MEGF10: variants seen among roughly 807,000 people sequenced by gnomAD.
MEGF10 encodes the protein multiple epidermal growth factor-like domains protein 10.
Under a neutral mutation model 147.5 loss-of-function variants are expected in MEGF10, and 86 were observed. That is an observed-to-expected ratio of 0.58 (90% CI 0.49 to 0.70). The LOEUF (loss-of-function observed/expected upper bound fraction) is 0.70. Ranked by LOEUF, MEGF10 falls within the 30% of genes least tolerant of loss-of-function variation. The pLI is 0.00. For missense variants in MEGF10, 1,329 were observed against 1,487.3 expected, an observed-to-expected ratio of 0.89 and a Z score of 1.75; for synonymous variants, 478 against 525.5, an observed-to-expected ratio of 0.91 and a Z score of 1.24.
intron 1 of MEGF10, among the ~76,000 whole-genome samples, chr5:127,311,212 T>A (rs1760275277): frequency 6.6e-6 from 1 of 152,202 alleles, no homozygotes; most frequent in Non-Finnish European, 1.5e-5. Context: ...TGTACAAAAA[T>A]CACCATTTAA....
chr5:127,297,358 TAA>T (rs895844156), intron 1 of MEGF10, among the ~76,000 whole-genome samples: 1 of 151,946 alleles, frequency 6.6e-6, no homozygotes, highest in Non-Finnish European at 1.5e-5. Context: ...AAAAACAGAC[TAA>T]AAAAGTACAC....
At chr5:127,416,034 T>C (rs1764757580) in intron 9 of MEGF10, among the ~76,000 whole-genome samples, 1 of 132,518 alleles carries the variant, frequency 7.5e-6, no homozygotes, top group African/African-American at 2.9e-5. Context: ...TTTTTGTTTT[T>C]GGTTTTGTTT....
In MEGF10 at chr5:127,455,466, G is replaced by A. The variant is rs773854472; in HGVS notation, c.3091G>A (p.Ala1031Thr). ...CCTAAGCAGTTCTGAGAACCCATAT[G>A]CCACTATTAAAGACCCACCTGTACT... ...CSLSSSENPY[A>T]TIKDPPVLIP... Residue 1031 changes from alanine to threonine, a missense_variant, in exon 24 of 25, where the codon GCC (alanine) becomes ACC (threonine). This residue lies in a region of MEGF10 where 343 missense variants were observed against 377.9 expected (regional missense o/e 0.91). Coordinates refer to ENST00000503335, the MANE Select transcript of MEGF10 (RefSeq NM_001256545.2). The A allele has an allele frequency of 6.2e-7, 1 of 1,614,074 alleles. No individual in the cohort carries two copies. Among genetic ancestry groups the A allele is most frequent in the Non-Finnish European group, 8.5e-7 (1 of 1,180,002 alleles).
rs533327297 is a variant in MEGF10, at chr5:127,404,407, C to T, written c.917+1725C>T. ...TTGCGGTTTTTACCATTGAAAGTAA[C>T]GGTGAAGACCGCAATTACTTTTACA... is the stretch of plus-strand genomic sequence containing the variant. On this transcript the variant is annotated intron_variant, in intron 8 of 24. Coordinates refer to ENST00000503335, the MANE Select transcript of MEGF10 (RefSeq NM_001256545.2). Among the ~76,000 whole-genome samples the T allele has an allele frequency of 5.9e-5, 9 of 152,066 alleles. No individual in the cohort carries two copies. The South Asian group carries it at 6.2e-4, about 11-fold the overall frequency.
At chr5:127,344,255 T>C (rs1368541028) in intron 4 of MEGF10, among the ~76,000 whole-genome samples, 4 of 152,180 alleles carry the variant, frequency 2.6e-5, no homozygotes, top group Admixed American at 2.0e-4. Flanking sequence ...TAAGTATCTT[T>C]TTTAATGCAT....
intron 4 of MEGF10, among the ~76,000 whole-genome samples, chr5:127,352,868 C>A (rs975419092): frequency 6.6e-6 from 1 of 152,176 alleles, no homozygotes; most frequent in Non-Finnish European, 1.5e-5. Flanking sequence ...GAGAGAGAGA[C>A]TTTACTAACA....
chr5:127,314,154 TC>T (rs1208310288), intron 1 of MEGF10, among the ~76,000 whole-genome samples: 1 of 152,160 alleles, frequency 6.6e-6, no homozygotes, highest in Non-Finnish European at 1.5e-5. Flanking sequence ...GTTATTTCTC[TC>T]CCACCTCACC....
rs1766494991 is a variant in MEGF10 at position 127,459,661 on chromosome 5, G to A, written c.*2343G>A. ...AAAAAAGAAAATCTGGACAATAGATGTGGACTCCAAGGGGCCACTGCCATC... is the reference window on the plus strand; with the variant it reads ...AAAAAAGAAAATCTGGACAATAGATATGGACTCCAAGGGGCCACTGCCATC... On this transcript the variant is annotated 3_prime_UTR_variant, in exon 25 of 25. Coordinates refer to ENST00000503335, the MANE Select transcript of MEGF10 (RefSeq NM_001256545.2). 6.6e-6 allele frequency: 1 copy of A among 152,204 alleles called. No individual in the cohort carries two copies. Among genetic ancestry groups the A allele is most frequent in the Admixed American group, 6.5e-5 (1 of 15,268 alleles). The allele number at this position is 152,204 out of a possible 1,614,324, so 9.4% of individuals were successfully genotyped here.
chr5:127,457,232 C>T lies in MEGF10; in HGVS notation c.3337C>T (p.Leu1113=). The change falls in exon 25 of 25, where the codon CTG becomes TTG. Residue 1113 remains leucine, a synonymous_variant. Coordinates refer to ENST00000503335, the MANE Select transcript of MEGF10 (RefSeq NM_001256545.2). Reference sequence around the variant, plus strand: ...CAGTCACATCCCTTGTCATTATGACCTGCTGCCAGTCCGAGACAGTTCATC... The same window carrying T: ...CAGTCACATCCCTTGTCATTATGACTTGCTGCCAGTCCGAGACAGTTCATC... ...KNSHIPCHYD[L]LPVRDSSSSP... 2 of 1,614,152 alleles carry T rather than the reference C, an allele frequency of 1.2e-6. No homozygotes were observed. The highest frequency in any genetic ancestry group is 1.3e-5 in the African/African-American group (1 of 75,038).
intron 4 of MEGF10, among the ~76,000 whole-genome samples, chr5:127,367,682 A>T (rs1483213370): frequency 2.0e-5 from 3 of 152,176 alleles, no homozygotes; most frequent in Non-Finnish European, 4.4e-5. Flanking sequence ...AGAGTATCTA[A>T]TTTTTAAAAC....
chr5:127,451,816 T>C (rs1044149323), intron 22 of MEGF10, among the ~76,000 whole-genome samples: 6 of 152,204 alleles, frequency 3.9e-5, no homozygotes, highest in African/African-American at 1.4e-4. Flanking sequence ...TTTAAAGTTG[T>C]TGCACAGAAA....
chr5:127,274,576 A>C, the MEGF10 span, among the ~76,000 whole-genome samples: 1 of 152,090 alleles, frequency 6.6e-6, no homozygotes, highest in Non-Finnish European at 1.5e-5. Context: ...ATTATTTTAA[A>C]TTTTGATATA....
the MEGF10 span, among the ~76,000 whole-genome samples, chr5:127,245,105 A>G: frequency 6.6e-6 from 1 of 152,168 alleles, no homozygotes; most frequent in Non-Finnish European, 1.5e-5. Context: ...GAAAAAAACT[A>G]TTTTAAATTT....
At chr5:127,303,581 C>T (rs1175991181) in intron 1 of MEGF10, among the ~76,000 whole-genome samples, 2 of 152,116 alleles carry the variant, frequency 1.3e-5, no homozygotes, top group Non-Finnish European at 2.9e-5. Context: ...TTGATTGAGC[C>T]CTCATACTCC....
chr5:127,440,590 T>C (rs1431143832), intron 17 of MEGF10, 149 bp from the exon 18 acceptor site: 41 of 768,718 alleles, frequency 5.3e-5, no homozygotes, highest in Non-Finnish European at 8.2e-5. Context: ...AAAGAAGCTC[T>C]TGTGGCAAGC....
At chr5:127,269,303 G>A in the MEGF10 span, among the ~76,000 whole-genome samples, 111,130 of 152,140 alleles carry the variant, frequency 0.73, 41,986 homozygotes, top group African/African-American at 0.94. Context: ...CTAAAGGAGC[G>A]AGTTCAAACC....
chr5:127,399,007 C>T (rs185200612), intron 7 of MEGF10, among the ~76,000 whole-genome samples: 1 of 152,152 alleles, frequency 6.6e-6, no homozygotes, highest in Admixed American at 6.5e-5. Flanking sequence ...ACTTGAAGTG[C>T]ATTGAAGGTT....
intron 17 of MEGF10, among the ~76,000 whole-genome samples, chr5:127,439,100 C>G (rs1394400813): frequency 6.6e-6 from 1 of 152,234 alleles, no homozygotes; most frequent in African/African-American, 2.4e-5. Flanking sequence ...TTTTTATCAA[C>G]TGGTAGTAAT....
intron 1 of MEGF10, among the ~76,000 whole-genome samples, chr5:127,311,032 C>T (rs1300202640): frequency 6.6e-6 from 1 of 152,226 alleles, no homozygotes; most frequent in African/African-American, 2.4e-5. Flanking sequence ...CCTGAAACTT[C>T]TCCAAGTATA....
Sources: gnomAD v4.1 joint callset for allele counts (sites outside exome capture counted in the v4.1 genomes callset) on GRCh38, gnomAD v4.1.1 for gene constraint, gnomAD v4.1.1 regional missense constraint, MANE v1.5 for transcripts, NCBI Gene and HGNC (gene_info 2026-07-23, HGNC 2026-07-21) for gene names.